Variants in SAPCD1 observed in about 807,000 individuals in gnomAD.
SAPCD1 encodes suppressor APC domain containing 1.
A neutral mutation model predicts 20.7 loss-of-function variants in SAPCD1; 16 were observed. The ratio of observed to expected loss-of-function variants is 0.77; its 90% CI spans 0.52 to 1.17. The LOEUF is 1.17. Ranked by LOEUF, SAPCD1 falls within the 50% of genes most tolerant of loss-of-function variation. SAPCD1 has a pLI of 0.00. For missense variants in SAPCD1, 173 were observed against 209.9 expected (o/e 0.82, Z 1.09); for synonymous variants, 77 against 84.8 (o/e 0.91, Z 0.50).
Position 31,763,047 on chromosome 6 carries a change from T to G in SAPCD1, c.-8T>G, listed in dbSNP as rs1349144307. 6.5e-7 allele frequency: 1 copy of G among 1,548,804 alleles called. No homozygotes were observed. The highest frequency in any genetic ancestry group is 8.8e-7 in the Non-Finnish European group (1 of 1,135,048). ...TGGGAGTGGCTCCACCCTTCCCACC[T>G]CAGAGCCATGGGGAGCCAGGGCTCT... On this transcript the variant is annotated 5_prime_UTR_variant, in exon 1 of 5. Coordinates refer to ENST00000415669, the Ensembl canonical transcript of SAPCD1. This position sits in a 1 kb window ranked among gnomAD's most constrained non-coding sequence, Gnocchi z 4.9.
In SAPCD1 at chr6:31,763,919, T is replaced by C; in HGVS notation, c.256-145T>C. On this transcript the variant is annotated intron_variant, in intron 2 of 4. Coordinates refer to ENST00000415669, the Ensembl canonical transcript of SAPCD1. This position sits in a 1 kb window ranked among gnomAD's most constrained non-coding sequence, Gnocchi z 4.9. ...AACTGATGTGCTAAAGAGATGGAGG[T>C]GGAGAGTACTGGATTTTCCCACCTG... 4.7e-6 allele frequency: 3 copies of C among 638,944 alleles called. No homozygotes were observed. Among genetic ancestry groups the C allele is most frequent in the Non-Finnish European group, 8.4e-6 (3 of 356,346 alleles). The allele number at this position is 638,944 out of a possible 1,614,324, so 39.6% of individuals were successfully genotyped here.
At position 31,763,045 on chromosome 6, in the gene SAPCD1, C is replaced by G. The variant is rs548075615; in HGVS notation, c.-10C>G. On this transcript the variant is annotated 5_prime_UTR_variant, in exon 1 of 5. Coordinates refer to ENST00000415669, the Ensembl canonical transcript of SAPCD1. This position sits in a 1 kb window ranked among gnomAD's most constrained non-coding sequence, Gnocchi z 4.9. Reference sequence around the variant, plus strand: ...AGTGGGAGTGGCTCCACCCTTCCCACCTCAGAGCCATGGGGAGCCAGGGCT... The same window carrying G: ...AGTGGGAGTGGCTCCACCCTTCCCAGCTCAGAGCCATGGGGAGCCAGGGCT... 1 of 1,545,298 alleles carries G rather than the reference C, an allele frequency of 6.5e-7. No individual in the cohort carries two copies. The highest frequency in any genetic ancestry group is 8.8e-7 in the Non-Finnish European group (1 of 1,131,840).
Position 31,764,110 on chromosome 6 carries a change from C to A in SAPCD1, c.302C>A (p.Ala101Asp), listed in dbSNP as rs1811282332. ...TCAGAGCCTGGTCGCCCCCCGTTAG[C>A]CCAGATTCAAAAGGTGAACATCTGT... Residue 101 changes from alanine (A) to aspartate (D), a missense_variant, in exon 3 of 5, where the codon GCC becomes GAC. Transcript: ENST00000415669. The surrounding 1 kb of genome is among the most constrained non-coding windows in gnomAD (Gnocchi z 4.7). The A allele has an allele frequency of 6.2e-7, 1 of 1,613,924 alleles. No individual in the cohort carries two copies. The highest frequency in any genetic ancestry group is 8.5e-7 in the Non-Finnish European group (1 of 1,179,810).
In SAPCD1 at chr6:31,764,567, T is replaced by A. The variant is rs1200761805; in HGVS notation, c.*36T>A. On this transcript the variant is annotated 3_prime_UTR_variant, in exon 5 of 5. Coordinates refer to ENST00000415669, the Ensembl canonical transcript of SAPCD1. The surrounding 1 kb of genome is among the most constrained non-coding windows in gnomAD (Gnocchi z 4.7). The stretch of plus-strand genomic sequence containing the variant: ...CACTCCCCTAAGCCTGGTGAAAGAG[T>A]CAGAAGCCCCAGGCTCCTTTTTCTG... The A allele has an allele frequency of 5.4e-6, 8 of 1,471,958 alleles. No individual in the cohort carries two copies. The highest frequency in any genetic ancestry group is 7.5e-6 in the Non-Finnish European group (8 of 1,070,718). The allele number at this position is 1,471,958 out of a possible 1,614,324, so 91.2% of individuals were successfully genotyped here.
At position 31,763,663 on chromosome 6, in the gene SAPCD1, C is replaced by A; in HGVS notation, c.255+108C>A. 2.8e-6 allele frequency: 3 copies of A among 1,070,462 alleles called. No homozygotes were observed. The South Asian group carries it at 4.5e-5, about 16-fold the overall frequency. 66.3% of individuals were successfully genotyped at this position (1,070,462 alleles called of 1,614,324 possible). On this transcript the variant is annotated intron_variant, in intron 2 of 4. Coordinates refer to ENST00000415669, the Ensembl canonical transcript of SAPCD1. The surrounding 1 kb of genome is among the most constrained non-coding windows in gnomAD (Gnocchi z 4.9). ...CTCTGGAGAGGGGAGAGTTAATGGT[C>A]AGGGATCATGAGTTGGAGGCAGCAT...
rs548075615 is a variant in SAPCD1, at chr6:31,763,045, C to T, written c.-10C>T. ...AGTGGGAGTGGCTCCACCCTTCCCA[C>T]CTCAGAGCCATGGGGAGCCAGGGCT... On this transcript the variant is annotated 5_prime_UTR_variant, in exon 1 of 5. Coordinates refer to ENST00000415669, the Ensembl canonical transcript of SAPCD1. This position sits in a 1 kb window ranked among gnomAD's most constrained non-coding sequence, Gnocchi z 4.9. 3.2e-6 allele frequency: 5 copies of T among 1,545,416 alleles called. No individual in the cohort carries two copies. In the African/African-American group the frequency reaches 4.1e-5, roughly 13 times the overall value.
Position 31,763,417 on chromosome 6 carries a change from AC to A in SAPCD1, c.118del (p.Arg40AlafsTer31), listed in dbSNP as rs1811209968. The A allele has an allele frequency of 6.2e-7, 1 of 1,612,904 alleles. No homozygotes were observed. Among genetic ancestry groups the A allele is most frequent in the South Asian group, 1.1e-5 (1 of 91,084 alleles). Reference sequence around the variant, plus strand: ...GCCTCTGTGATTGCCTTTCCCAGCTACGCAGGATGCAGGCTCTGGAGAGAGA... The same window carrying A: ...GCCTCTGTGATTGCCTTTCCCAGCTAGCAGGATGCAGGCTCTGGAGAGAGA... On this transcript the variant is annotated frameshift_variant, in exon 2 of 5. Coordinates refer to ENST00000415669, the Ensembl canonical transcript of SAPCD1. LOFTEE classifies it high-confidence loss of function. The surrounding 1 kb of genome is among the most constrained non-coding windows in gnomAD (Gnocchi z 4.9).
At position 31,764,821 on chromosome 6, in the gene SAPCD1, A is replaced by T. The variant is rs1581578336; in HGVS notation, c.*290A>T. The T allele has an allele frequency of 2.2e-6, 1 of 452,814 alleles. No homozygotes were observed. Among genetic ancestry groups the T allele is most frequent in the Non-Finnish European group, 3.9e-6 (1 of 257,188 alleles). The allele number at this position is 452,814 out of a possible 1,614,324, so 28.0% of individuals were successfully genotyped here. A position where few individuals can be genotyped will look rare whatever the true frequency, so the allele number is the denominator to read the frequency against. On this transcript the variant is annotated 3_prime_UTR_variant, in exon 5 of 5. Coordinates refer to ENST00000415669, the Ensembl canonical transcript of SAPCD1. This position sits in a 1 kb window ranked among gnomAD's most constrained non-coding sequence, Gnocchi z 4.7. ...CCTTAAATACAAAAATAAAACTGAA[A>T]CTGCTCCAGAAAGCAGCTTTCTCCA...
Position 31,763,402 on chromosome 6 carries a change from T to C in SAPCD1, c.115-13T>C, listed in dbSNP as rs549874288. 6.2e-7 allele frequency: 1 copy of C among 1,613,034 alleles called. No homozygotes were observed. Among genetic ancestry groups the C allele is most frequent in the East Asian group, 2.2e-5 (1 of 44,876 alleles). ...GTGGCGTGAGAGTCAGCCTCTGTGA[T>C]TGCCTTTCCCAGCTACGCAGGATGC... is the stretch of plus-strand genomic sequence containing the variant. On this transcript the variant is annotated splice_polypyrimidine_tract_variant and intron_variant, in intron 1 of 4. Transcript: ENST00000415669. The surrounding 1 kb of genome is among the most constrained non-coding windows in gnomAD (Gnocchi z 4.9).
rs1170071447 is a variant in SAPCD1 at position 31,763,116 on chromosome 6, T to C, written c.62T>C (p.Leu21Pro). 5 of 1,564,990 alleles carry C rather than the reference T, an allele frequency of 3.2e-6. No homozygotes were observed. The African/African-American group carries it at 4.1e-5, about 13-fold the overall frequency. ...CAGGCTCCCTACACAGTCCTGCTGC[T>C]GCCGCTGGGGACAAGCCGCCAAGAC... The change falls in exon 1 of 5, where the codon CTG (leucine) becomes CCG (proline). Residue 21 changes from leucine to proline, a missense_variant. By Grantham distance (98) the Leu-to-Pro change is moderately conservative. Transcript: ENST00000415669. The surrounding 1 kb of genome is among the most constrained non-coding windows in gnomAD (Gnocchi z 4.9).
rs1319786134 is a variant in SAPCD1, at chr6:31,764,716, C to T, written c.*185C>T. 5.1e-6 allele frequency: 3 copies of T among 585,738 alleles called. No individual in the cohort carries two copies. In the South Asian group the frequency reaches 6.6e-5, roughly 13 times the overall value. 36.3% of individuals were successfully genotyped at this position (585,738 alleles called of 1,614,324 possible). On this transcript the variant is annotated 3_prime_UTR_variant, in exon 5 of 5. Coordinates refer to ENST00000415669, the Ensembl canonical transcript of SAPCD1. The surrounding 1 kb of genome is among the most constrained non-coding windows in gnomAD (Gnocchi z 4.7). ...CTTCTTGGTGTCTCATGTCCTCATT[C>T]TCCCCTATATGACATGCAAAAACGA...
rs1276342972 is a variant in SAPCD1 at position 31,764,458 on chromosome 6, G to A, written c.464G>A (p.Gly155Glu). The change falls in exon 5 of 5, where the codon GGA (glycine) becomes GAA (glutamate). Residue 155 changes from glycine to glutamate, a missense_variant. Gly to Glu is a moderately conservative substitution (Grantham distance 98). Coordinates refer to ENST00000415669, the Ensembl canonical transcript of SAPCD1. This position sits in a 1 kb window ranked among gnomAD's most constrained non-coding sequence, Gnocchi z 4.7. ...CAGGAGTTGTCAAGGCAGCAGAAAG[G>A]AGTCACCCAGCCAAAGGAGGAGATG... 1.2e-6 allele frequency: 2 copies of A among 1,614,176 alleles called. No homozygotes were observed. The highest frequency in any genetic ancestry group is 1.7e-6 in the Non-Finnish European group (2 of 1,180,030).
chr6:31,764,130 A>G lies in SAPCD1; in HGVS notation c.322A>G (p.Ile108Val). ...GTTAGCCCAGATTCAAAAGGTGAAC[A>G]TCTGTTTGCAGAATCTGATTCATGA... The change falls in exon 3 of 5, where the codon ATC (isoleucine) becomes GTC (valine). Residue 108 changes from isoleucine (I) to valine (V), a missense_variant. Coordinates refer to ENST00000415669, the Ensembl canonical transcript of SAPCD1. This position sits in a 1 kb window ranked among gnomAD's most constrained non-coding sequence, Gnocchi z 4.7. The G allele has an allele frequency of 6.2e-7, 1 of 1,613,874 alleles. No individual in the cohort carries two copies. Among genetic ancestry groups the G allele is most frequent in the Non-Finnish European group, 8.5e-7 (1 of 1,179,742 alleles).
rs531176306 is a variant in SAPCD1 at position 31,764,368 on chromosome 6, A to G, written c.441+13A>G. On this transcript the variant is annotated intron_variant, in intron 4 of 4. Coordinates refer to ENST00000415669, the Ensembl canonical transcript of SAPCD1. This position sits in a 1 kb window ranked among gnomAD's most constrained non-coding sequence, Gnocchi z 4.7. The stretch of plus-strand genomic sequence containing the variant: ...GTGGCAGCAACAGGTAAACTTCAAG[A>G]AGGAGGGCAGGAGCCCCACCCTACA... The G allele has an allele frequency of 3.7e-6, 6 of 1,612,558 alleles. No homozygotes were observed. The East Asian group carries it at 8.9e-5, about 24-fold the overall frequency.
chr6:31,764,048 C>T lies in SAPCD1; in HGVS notation c.256-16C>T, dbSNP rs1214468124. The T allele has an allele frequency of 6.3e-7, 1 of 1,579,050 alleles. No homozygotes were observed. The highest frequency in any genetic ancestry group is 2.2e-5 in the East Asian group (1 of 44,710). ...CAGGTTTTCACCATGTTGTCAGCCTCCAACTCCTCCTCTAGAATTTTCTAA... is the reference window on the plus strand; with the variant it reads ...CAGGTTTTCACCATGTTGTCAGCCTTCAACTCCTCCTCTAGAATTTTCTAA... On this transcript the variant is annotated splice_polypyrimidine_tract_variant and intron_variant, in intron 2 of 4. Coordinates refer to ENST00000415669, the Ensembl canonical transcript of SAPCD1. This position sits in a 1 kb window ranked among gnomAD's most constrained non-coding sequence, Gnocchi z 4.7.
In SAPCD1 at chr6:31,763,673, G is replaced by A; in HGVS notation, c.255+118G>A. 1.0e-6 allele frequency: 1 copy of A among 974,340 alleles called. No homozygotes were observed. Among genetic ancestry groups the A allele is most frequent in the Non-Finnish European group, 1.5e-6 (1 of 658,498 alleles). 60.4% of individuals were successfully genotyped at this position (974,340 alleles called of 1,614,324 possible). On this transcript the variant is annotated intron_variant, in intron 2 of 4. Coordinates refer to ENST00000415669, the Ensembl canonical transcript of SAPCD1. The surrounding 1 kb of genome is among the most constrained non-coding windows in gnomAD (Gnocchi z 4.9). ...GGGAGAGTTAATGGTCAGGGATCAT[G>A]AGTTGGAGGCAGCATCGTAATGACA...
At position 31,764,834 on chromosome 6, in the gene SAPCD1, G is replaced by A; in HGVS notation, c.*303G>A. ...AATAAAACTGAAACTGCTCCAGAAA[G>A]CAGCTTTCTCCAAAAATGTCTTTGG... On this transcript the variant is annotated 3_prime_UTR_variant, in exon 5 of 5. Coordinates refer to ENST00000415669, the Ensembl canonical transcript of SAPCD1. This position sits in a 1 kb window ranked among gnomAD's most constrained non-coding sequence, Gnocchi z 4.7. 1 of 456,082 alleles carries A rather than the reference G, an allele frequency of 2.2e-6. No homozygotes were observed. Among genetic ancestry groups the A allele is most frequent in the East Asian group, 3.3e-5 (1 of 30,686 alleles). The allele number at this position is 456,082 out of a possible 1,614,324, so 28.3% of individuals were successfully genotyped here.
At position 31,763,204 on chromosome 6, in the gene SAPCD1, T is replaced by C; in HGVS notation, c.114+36T>C. ...GCCCAACAAGAGGTCCCAGGGGAACTCTCTCAATAGATCTGCCCTTTATAT... is the reference window on the plus strand; with the variant it reads ...GCCCAACAAGAGGTCCCAGGGGAACCCTCTCAATAGATCTGCCCTTTATAT... On this transcript the variant is annotated intron_variant, in intron 1 of 4. Transcript: ENST00000415669. This position sits in a 1 kb window ranked among gnomAD's most constrained non-coding sequence, Gnocchi z 4.9. 4 of 1,303,164 alleles carry C rather than the reference T, an allele frequency of 3.1e-6. No individual in the cohort carries two copies. Among genetic ancestry groups the C allele is most frequent in the Non-Finnish European group, 4.3e-6 (4 of 932,412 alleles). 80.7% of individuals were successfully genotyped at this position (1,303,164 alleles called of 1,614,324 possible).
At position 31,764,411 on chromosome 6, in the gene SAPCD1, G is replaced by A. The variant is rs1811320852; in HGVS notation, c.442-25G>A. On this transcript the variant is annotated intron_variant, in intron 4 of 4. Coordinates refer to ENST00000415669, the Ensembl canonical transcript of SAPCD1. The surrounding 1 kb of genome is among the most constrained non-coding windows in gnomAD (Gnocchi z 4.7). The stretch of plus-strand genomic sequence containing the variant: ...ACCCTACAGGGCTGGGAGGAGCCCA[G>A]AGGCCCCATCTGTTTCTCCTCCAGG... The A allele has an allele frequency of 1.2e-6, 2 of 1,611,900 alleles. No homozygotes were observed. Among genetic ancestry groups the A allele is most frequent in the Admixed American group, 1.7e-5 (1 of 60,028 alleles).
Sources: gnomAD v4.1 joint callset for allele counts on GRCh38, gnomAD v4.1.1 for gene constraint, Gnocchi (gnomAD v3.1) non-coding constraint, MANE v1.5 for transcripts, NCBI Gene and HGNC (gene_info 2026-07-23, HGNC 2026-07-21) for gene names.